The following DHRS3 variants were observed in gnomAD, a reference collection of about 807,000 sequenced individuals.
DHRS3 encodes short-chain dehydrogenase/reductase 3.
In DHRS3, 14 loss-of-function variants were observed where a neutral mutation model predicts 27.2. The ratio of observed to expected loss-of-function variants is 0.52; its 90% confidence interval spans 0.34 to 0.81. DHRS3 has a LOEUF of 0.81. DHRS3 is among the 30% of genes least tolerant of loss of function. DHRS3 has a pLI of 0.01. For synonymous variants in DHRS3, 165 were observed against 175.9 expected (o/e 0.94, Z 0.49); for missense variants, 322 against 406.2 (o/e 0.79, Z 1.78).
intron 5 of DHRS3, among the ~76,000 whole-genome samples, chr1:12,571,257 A>G (rs1487249422): frequency 1.3e-5 from 2 of 152,220 alleles, no homozygotes; most frequent in Non-Finnish European, 2.9e-5. Flanking sequence ...TTCTAGGGGA[A>G]TAGGATGCCA....
At chr1:12,610,915 G>C (rs1646905392) in intron 1 of DHRS3, among the ~76,000 whole-genome samples, 1 of 152,104 alleles carries the variant, frequency 6.6e-6, no homozygotes, top group African/African-American at 2.4e-5. Flanking sequence ...GTAGGGTGTG[G>C]GACCCATCCC....
chr1:12,585,958 C>T (rs536181660), intron 1 of DHRS3, among the ~76,000 whole-genome samples: 1 of 152,334 alleles, frequency 6.6e-6, no homozygotes, highest in African/African-American at 2.4e-5. Context: ...TACTCTTAAG[C>T]AGGGTTTATA....
chr1:12,587,154 T>G (rs1051560042), intron 1 of DHRS3, among the ~76,000 whole-genome samples: 10 of 151,170 alleles, frequency 6.6e-5, no homozygotes, highest in Non-Finnish European at 1.3e-4. Flanking sequence ...TTTTTTTTTT[T>G]TTTTTTGAGA....
chr1:12,587,913 T>A (rs926510509), intron 1 of DHRS3, among the ~76,000 whole-genome samples: 5 of 152,200 alleles, frequency 3.3e-5, no homozygotes, highest in African/African-American at 4.8e-5. Flanking sequence ...TGACTGTCTA[T>A]TCACATCTCT....
chr1:12,578,654 G>C lies in DHRS3; in HGVS notation c.698+64C>G. The C allele has an allele frequency of 6.7e-7, 1 of 1,491,160 alleles. No individual in the cohort carries two copies. The highest frequency in any genetic ancestry group is 9.3e-7 in the Non-Finnish European group (1 of 1,072,032). 92.4% of individuals were successfully genotyped at this position (1,491,160 alleles called of 1,614,324 possible). ...ATCAGAGCTCTTTCTGCAGTTGGCT[G>C]ACTGAATGGCTTGGGGAGGCAGGTG... is the stretch of plus-strand genomic sequence containing the variant. On this transcript the variant is annotated intron_variant, in intron 4 of 5. Transcript: ENST00000616661. The surrounding 1 kb of genome is among the most constrained non-coding windows in gnomAD (Gnocchi z 4.5).
Position 12,593,222 on chromosome 1 carries a change from G to A in DHRS3, c.196-12556C>T, listed in dbSNP as rs529592395. ...CCCTTCCTGGTCTGCCCCATCCCTC[G>A]TCTCAGCTACTCCCTCCTAGGTCTC... is the stretch of plus-strand genomic sequence containing the variant. On this transcript the variant is annotated intron_variant, in intron 1 of 5. Coordinates refer to ENST00000616661, the MANE Select transcript of DHRS3 (RefSeq NM_004753.7). This position sits in a 1 kb window ranked among gnomAD's most constrained non-coding sequence, Gnocchi z 4.6. Among the ~76,000 whole-genome samples the A allele has an allele frequency of 2.0e-5, 3 of 152,198 alleles. No homozygotes were observed. In the East Asian group the frequency reaches 5.8e-4, roughly 29 times the overall value.
chr1:12,600,504 G>A (rs1381450566), intron 1 of DHRS3: 21 of 544,932 alleles, frequency 3.9e-5, no homozygotes, highest in Non-Finnish European at 4.2e-5. Context: ...GTGGACAGAC[G>A]CCATGTGGGT....
intron 1 of DHRS3, among the ~76,000 whole-genome samples, chr1:12,598,776 C>A (rs1166066665): frequency 6.6e-6 from 1 of 152,180 alleles, no homozygotes; most frequent in Non-Finnish European, 1.5e-5. Flanking sequence ...TTTTTAGAGA[C>A]AAGGCACTGA....
rs532490639 is a variant in DHRS3, at chr1:12,584,540, G to T, written c.196-3874C>A. ...CGTTCACATCCCAGTGCCCAGCATAGCACATTCTGTTTGTTGAATGAATGA... is the reference window on the plus strand; with the variant it reads ...CGTTCACATCCCAGTGCCCAGCATATCACATTCTGTTTGTTGAATGAATGA... On this transcript the variant is annotated intron_variant, in intron 1 of 5. Transcript: ENST00000616661. Among the ~76,000 whole-genome samples, 2 of 136,248 alleles carry T rather than the reference G, an allele frequency of 1.5e-5. 1 individual carries two copies. Among genetic ancestry groups the T allele is most frequent in the South Asian group, 4.9e-4 (2 of 4,080 alleles). The allele number at this position is 136,248 out of a possible 152,430, so 89.4% of individuals were successfully genotyped here.
Position 12,594,105 on chromosome 1 carries a change from A to C in DHRS3, c.196-13439T>G, listed in dbSNP as rs546653575. Among the ~76,000 whole-genome samples, 48 of 152,180 alleles carry C rather than the reference A, an allele frequency of 3.2e-4. No homozygotes were observed. Among genetic ancestry groups the C allele is most frequent in the African/African-American group, 1.1e-3 (45 of 41,508 alleles). On this transcript the variant is annotated intron_variant, in intron 1 of 5. Coordinates refer to ENST00000616661, the MANE Select transcript of DHRS3 (RefSeq NM_004753.7). The surrounding 1 kb of genome is among the most constrained non-coding windows in gnomAD (Gnocchi z 4.1). The stretch of plus-strand genomic sequence containing the variant: ...GGGGGTGCCAAGGAGAGGAGGGAGG[A>C]GCCAGCATCTACAGACCACCCTTCC...
chr1:12,608,425 C>T lies in DHRS3; in HGVS notation c.195+8729G>A, dbSNP rs1246036887. 6.6e-6 allele frequency among the ~76,000 whole-genome samples: 1 copy of T among 152,108 alleles called. No individual in the cohort carries two copies. Among genetic ancestry groups the T allele is most frequent in the Admixed American group, 6.5e-5 (1 of 15,276 alleles). On this transcript the variant is annotated intron_variant, in intron 1 of 5. Coordinates refer to ENST00000616661, the MANE Select transcript of DHRS3 (RefSeq NM_004753.7). This position sits in a 1 kb window ranked among gnomAD's most constrained non-coding sequence, Gnocchi z 4.1. Reference sequence around the variant, plus strand: ...GCACCCTCTTGCCTCCTCCCTGCTCCCCAGCACCCTGGAAAGCCTGGACAA... The same window carrying T: ...GCACCCTCTTGCCTCCTCCCTGCTCTCCAGCACCCTGGAAAGCCTGGACAA...
rs1293514669 is a variant in DHRS3, at chr1:12,586,422, T to G, written c.196-5756A>C. Among the ~76,000 whole-genome samples, 4 of 152,000 alleles carry G rather than the reference T, an allele frequency of 2.6e-5. No homozygotes were observed. The highest frequency in any genetic ancestry group is 4.4e-5 in the Non-Finnish European group (3 of 67,990). ...CGCGTTCATCCCCACCCAGCCAGCC[T>G]TCTCCTGCTTCGTCTCCTCCAATGT... On this transcript the variant is annotated intron_variant, in intron 1 of 5. Coordinates refer to ENST00000616661, the MANE Select transcript of DHRS3 (RefSeq NM_004753.7). The surrounding 1 kb of genome is among the most constrained non-coding windows in gnomAD (Gnocchi z 5.0).
At chr1:12,568,468 C>T in intron 5 of DHRS3, 44 bp from the exon 6 acceptor site, 1 of 1,591,894 alleles carries the variant, frequency 6.3e-7, no homozygotes, top group Non-Finnish European at 8.6e-7. Context: ...GTTAGTGGGG[C>T]AGGATCCAGG....
At chr1:12,613,830 C>T (rs1157787434) in intron 1 of DHRS3, among the ~76,000 whole-genome samples, 4 of 152,234 alleles carry the variant, frequency 2.6e-5, no homozygotes, top group African/African-American at 4.8e-5. Flanking sequence ...AGTGCAATGG[C>T]GTGATCTAGG....
intron 1 of DHRS3, among the ~76,000 whole-genome samples, chr1:12,602,334 T>C (rs1417257767): frequency 3.3e-5 from 5 of 151,590 alleles, no homozygotes; most frequent in African/African-American, 4.8e-5. Flanking sequence ...CCACGGGTCA[T>C]CTCAACAGAG....
intron 1 of DHRS3, among the ~76,000 whole-genome samples, chr1:12,603,430 G>C (rs74055584): frequency 6.0e-4 from 91 of 152,256 alleles, no homozygotes; most frequent in African/African-American, 2.1e-3. Flanking sequence ...ACATGGAATT[G>C]TAAGCCACAA....
chr1:12,579,421 G>A lies in DHRS3; in HGVS notation c.340-9C>T, dbSNP rs1279787000. ...ATGGTGATGTCACCCACCTGCAGGC[G>A]AGAGGGAGCCACGGGGCCATGAGGG... On this transcript the variant is annotated splice_polypyrimidine_tract_variant and intron_variant, in intron 2 of 5. Transcript: ENST00000616661. 13 of 1,613,264 alleles carry A rather than the reference G, an allele frequency of 8.1e-6. No individual in the cohort carries two copies. Among genetic ancestry groups the A allele is most frequent in the Admixed American group, 1.7e-5 (1 of 59,988 alleles).
At chr1:12,580,726 T>C (rs927846937) in intron 1 of DHRS3, 60 bp from the exon 2 acceptor site, 1 of 1,547,956 alleles carries the variant, frequency 6.5e-7, no homozygotes, top group Non-Finnish European at 8.7e-7. Context: ...GATGCAACAA[T>C]TGCCACCAGA....
rs1646774717 is a variant in DHRS3 at position 12,594,808 on chromosome 1, G to GA, written c.196-14143dup. On this transcript the variant is annotated intron_variant, in intron 1 of 5. Transcript: ENST00000616661. This position sits in a 1 kb window ranked among gnomAD's most constrained non-coding sequence, Gnocchi z 4.1. ...GGGGTAGATTGGGAGGTTGTAAGGA[G>GA]AAAAAAGACAGCCTCTGACATGAAG... Among the ~76,000 whole-genome samples, 7 of 152,140 alleles carry GA rather than the reference G, an allele frequency of 4.6e-5. No homozygotes were observed. The South Asian group carries it at 1.5e-3, about 32-fold the overall frequency.
Sources: allele counts gnomAD v4.1 joint callset (sites outside exome capture counted in the v4.1 genomes callset), GRCh38; gene constraint gnomAD v4.1.1; non-coding constraint Gnocchi (gnomAD v3.1); transcripts MANE v1.5; gene names NCBI Gene and HGNC (gene_info 2026-07-23, HGNC 2026-07-21).